Variants in AUTS2 observed in about 807,000 individuals in gnomAD.
AUTS2 encodes activator of transcription and developmental regulator AUTS2, also known as autism susceptibility gene 2 protein.
AUTS2 carries 17 observed loss-of-function variants against 112.4 expected under a neutral mutation model. The ratio of observed to expected loss-of-function variants is 0.15; its 90% CI spans 0.10 to 0.23. AUTS2 has a LOEUF of 0.23. Ranked by LOEUF, AUTS2 falls within the 10% of genes least tolerant of loss-of-function variation. The pLI, the probability that AUTS2 is intolerant of heterozygous loss-of-function variation, is 1.00. For synonymous variants in AUTS2, 751 were observed against 702.7 expected, an observed-to-expected ratio of 1.07 and a Z score of -1.09; for missense variants, 1,510 against 1,701.6, an observed-to-expected ratio of 0.89 and a Z score of 1.98.
chr7:70,318,558 A>T (rs1004871548), intron 4 of AUTS2, among the ~76,000 whole-genome samples: 10 of 152,272 alleles, frequency 6.6e-5, no homozygotes, highest in African/African-American at 2.4e-4. Context: ...GATTGAATAG[A>T]TTGGGTAAGT....
intron 2 of AUTS2, among the ~76,000 whole-genome samples, chr7:69,945,668 T>C (rs889336042): frequency 6.6e-6 from 1 of 152,122 alleles, no homozygotes; most frequent in African/African-American, 2.4e-5. Context: ...TCTACTCTTC[T>C]AGTAAATATC....
At chr7:69,696,913 T>C (rs1055633750) in intron 1 of AUTS2, among the ~76,000 whole-genome samples, 2 of 152,238 alleles carry the variant, frequency 1.3e-5, no homozygotes, top group Non-Finnish European at 2.9e-5. Flanking sequence ...CCAGGAAAGC[T>C]GGTTCATGGT....
intron 6 of AUTS2, 103 bp downstream of exon 6, chr7:70,698,723 T>G: frequency 2.1e-6 from 2 of 941,784 alleles, no homozygotes; most frequent in Non-Finnish European, 3.2e-6. Flanking sequence ...CTCTTATAAT[T>G]CTGAAGCTAC....
chr7:70,712,787 A>G (rs1810131110), intron 6 of AUTS2, among the ~76,000 whole-genome samples: 1 of 152,122 alleles, frequency 6.6e-6, no homozygotes, highest in African/African-American at 2.4e-5. Flanking sequence ...GTAGTTGGGC[A>G]GCCTTTTTTT....
chr7:70,769,559 C>T (rs1465923556), intron 10 of AUTS2, among the ~76,000 whole-genome samples: 2 of 152,170 alleles, frequency 1.3e-5, no homozygotes, highest in Non-Finnish European at 2.9e-5. Flanking sequence ...GTGGCGGGCA[C>T]CTGTAGTCCC....
chr7:70,301,619 G>A (rs12155144), intron 4 of AUTS2, among the ~76,000 whole-genome samples: 32,725 of 151,992 alleles, frequency 0.22, 3,511 homozygotes, highest in Middle Eastern at 0.32. Flanking sequence ...CCACCCTGCT[G>A]TAATCTGATA....
intron 2 of AUTS2, among the ~76,000 whole-genome samples, chr7:70,008,295 A>T (rs1331808778): frequency 2.0e-5 from 3 of 152,200 alleles, no homozygotes; most frequent in African/African-American, 7.2e-5. Flanking sequence ...ACAATTTTTA[A>T]AATCAAATCT....
chr7:70,385,651 G>A (rs775276742), intron 4 of AUTS2, among the ~76,000 whole-genome samples: 4 of 152,298 alleles, frequency 2.6e-5, no homozygotes, highest in East Asian at 3.9e-4. Context: ...TGGGAAGATC[G>A]CTTGAGCCCA....
intron 4 of AUTS2, among the ~76,000 whole-genome samples, chr7:70,154,110 A>C (rs1298933405): frequency 6.6e-6 from 1 of 152,228 alleles, no homozygotes; most frequent in Non-Finnish European, 1.5e-5. Context: ...TACTTCTTTA[A>C]AGCAGACATC....
intron 1 of AUTS2, among the ~76,000 whole-genome samples, chr7:69,658,831 A>G (rs1020766652): frequency 1.3e-5 from 2 of 152,246 alleles, no homozygotes; most frequent in Non-Finnish European, 2.9e-5. Flanking sequence ...TGGTTTAAAA[A>G]GTAAATACTG....
intron 5 of AUTS2, among the ~76,000 whole-genome samples, chr7:70,507,883 A>ATG (rs758701236): frequency 5.3e-5 from 8 of 152,356 alleles, no homozygotes; most frequent in South Asian, 2.1e-4. Context: ...ATGTGTACAC[A>ATG]TGTGTGTGTG....
chr7:69,853,523 A>G (rs986524148), intron 1 of AUTS2, among the ~76,000 whole-genome samples: 2 of 152,004 alleles, frequency 1.3e-5, no homozygotes, highest in Admixed American at 1.3e-4. Context: ...TTATACTTGA[A>G]GTGAGTTTAT....
intron 2 of AUTS2, among the ~76,000 whole-genome samples, chr7:70,063,878 G>C (rs1288432630): frequency 6.6e-6 from 1 of 152,154 alleles, no homozygotes; most frequent in African/African-American, 2.4e-5. Flanking sequence ...GGTTTGGATG[G>C]CATCTCCTTA....
chr7:69,908,199 G>A (rs771012222), intron 2 of AUTS2, among the ~76,000 whole-genome samples: 15 of 152,102 alleles, frequency 9.9e-5, no homozygotes, highest in Admixed American at 2.6e-4. Context: ...GAGAGCCCCC[G>A]AGGCTTGGGG....
At chr7:70,598,401 A>G (rs987667292) in intron 5 of AUTS2, among the ~76,000 whole-genome samples, 4 of 152,230 alleles carry the variant, frequency 2.6e-5, no homozygotes, top group African/African-American at 9.6e-5. Flanking sequence ...AAATTGTACA[A>G]CAGGCAGAAG....
Position 69,599,610 on chromosome 7 carries a change from T to A in AUTS2, c.-44T>A. The A allele has an allele frequency of 7.9e-7, 1 of 1,264,462 alleles. No individual in the cohort carries two copies. Among genetic ancestry groups the A allele is most frequent in the Non-Finnish European group, 9.9e-7 (1 of 1,006,512 alleles). 78.3% of individuals were successfully genotyped at this position (1,264,462 alleles called of 1,614,324 possible). ...ATTTTTTTTTGTGTGGCTGCGGCCG[T>A]AGCCTGTGGCGGGCAAGCGGGGAGA... On this transcript the variant is annotated 5_prime_UTR_variant, in exon 1 of 19. Coordinates refer to ENST00000342771, the MANE Select transcript of AUTS2 (RefSeq NM_015570.4). This position sits in a 1 kb window ranked among gnomAD's most constrained non-coding sequence, Gnocchi z 7.0.
intron 4 of AUTS2, among the ~76,000 whole-genome samples, chr7:70,384,993 C>CA (rs1448663304): frequency 2.0e-5 from 3 of 152,008 alleles, no homozygotes; most frequent in Non-Finnish European, 2.9e-5. Flanking sequence ...GCCCTGGTCA[C>CA]AAAAAACACT....
At position 70,695,228 on chromosome 7, in the gene AUTS2, C is replaced by T. The variant is rs1020499909; in HGVS notation, c.691-3341C>T. Among the ~76,000 whole-genome samples, 22 of 152,308 alleles carry T rather than the reference C, an allele frequency of 1.4e-4. No homozygotes were observed. In the Middle Eastern group the frequency reaches 0.01, roughly 71 times the overall value. ...CCCCTCCTCCCTTCTTTCCTCCCCCCTCTGCGGCCCTGTCGCCCGCCTTTG... is the reference window on the plus strand; with the variant it reads ...CCCCTCCTCCCTTCTTTCCTCCCCCTTCTGCGGCCCTGTCGCCCGCCTTTG... On this transcript the variant is annotated intron_variant, in intron 5 of 18. Transcript: ENST00000342771.
At chr7:70,642,797 A>G (rs946160527) in intron 5 of AUTS2, among the ~76,000 whole-genome samples, 4 of 131,126 alleles carry the variant, frequency 3.1e-5, no homozygotes, top group Non-Finnish European at 4.9e-5. Context: ...ATGCGTGTCA[A>G]CTCCCCTTCT....
Sources: allele counts gnomAD v4.1 joint callset (sites outside exome capture counted in the v4.1 genomes callset), GRCh38; gene constraint gnomAD v4.1.1; non-coding constraint Gnocchi (gnomAD v3.1); transcripts MANE v1.5; gene names NCBI Gene and HGNC (gene_info 2026-07-23, HGNC 2026-07-21).